The following IRX4 variants were observed in gnomAD, a reference collection of about 807,000 sequenced individuals.
IRX4 encodes the protein iroquois homeobox 4.
IRX4 carries 22 observed loss-of-function variants against 32.0 expected under a neutral mutation model. That is an observed-to-expected ratio of 0.69 (90% CI 0.49 to 0.98). The LOEUF is 0.98. IRX4 is among the 50% of genes least tolerant of loss of function. The probability of loss-of-function intolerance (pLI) is 0.00; values close to 1 mark genes in which losing one functional copy is unlikely to be tolerated. For missense variants in IRX4, 840 were observed against 744.2 expected (o/e 1.13, Z -1.50); for synonymous variants, 379 against 351.7 (o/e 1.08, Z -0.87).
chr5:1,881,971 G>A lies in IRX4; in HGVS notation c.134C>T (p.Ala45Val), dbSNP rs538375522. 4.5e-6 allele frequency: 7 copies of A among 1,555,726 alleles called. No homozygotes were observed. The highest frequency in any genetic ancestry group is 6.1e-6 in the Non-Finnish European group (7 of 1,150,268). Residue 45 changes from alanine to valine, a missense_variant, in exon 2 of 5, where the codon GCG becomes GTG. This residue lies in a region of IRX4 where 241 missense variants were observed against 220.8 expected (regional missense o/e 1.09). Transcript: ENST00000231357. ...CTCGTAGACCGGGCAGTAGACCGGC[G>A]CCTGGGCCGAGGCGGCGGGCCCGGA... ...ADSGPAASAQAPVYCPVYESR... is the reference protein window; with the variant it reads ...ADSGPAASAQVPVYCPVYESR...
In IRX4 at chr5:1,877,782, GT is replaced by G; in HGVS notation, c.*186del. The G allele has an allele frequency of 1.7e-6, 1 of 595,948 alleles. No homozygotes were observed. The highest frequency in any genetic ancestry group is 2.8e-6 in the Non-Finnish European group (1 of 356,448). The allele number at this position is 595,948 out of a possible 1,614,324, so 36.9% of individuals were successfully genotyped here. ...GCCCGGTCAGGCTCAGGCCCAGGCG[GT>G]GGAGGCCCCGGCGTGGCAGCGCCGG... On this transcript the variant is annotated 3_prime_UTR_variant, in exon 5 of 5. Coordinates refer to ENST00000231357, the MANE Select transcript of IRX4 (RefSeq NM_016358.3).
chr5:1,885,220 G>C (rs1334230104), upstream of IRX4, among the ~76,000 whole-genome samples: 1 of 152,120 alleles, frequency 6.6e-6, no homozygotes, highest in Non-Finnish European at 1.5e-5. Flanking sequence ...CAGACCCGGC[G>C]GGGCTTAACT....
Position 1,877,996 on chromosome 5 carries a change from C to A in IRX4, c.1533G>T (p.Lys511Asn), listed in dbSNP as rs1234925210. 8 of 1,506,856 alleles carry A rather than the reference C, an allele frequency of 5.3e-6. No individual in the cohort carries two copies. The African/African-American group carries it at 1.1e-4, about 22-fold the overall frequency. 93.3% of individuals were successfully genotyped at this position (1,506,856 alleles called of 1,614,324 possible). A position where few individuals can be genotyped will look rare whatever the true frequency, so the allele number is the denominator to read the frequency against. The change falls in exon 5 of 5, where the codon AAG (lysine) becomes AAT (asparagine). Residue 511 changes from lysine to asparagine, a missense_variant. Transcript: ENST00000231357. Reference protein sequence around the residue: ...GAARELLALPKAGGKPFCA With the variant: ...GAARELLALPNAGGKPFCA ...AGGCGCAGAAGGGTTTGCCGCCGGC[C>A]TTGGGCAGGGCGAGCAGCTCCCTGG... is the stretch of plus-strand genomic sequence containing the variant.
chr5:1,879,737 G>C lies in IRX4; in HGVS notation c.503C>G (p.Pro168Arg). The C allele has an allele frequency of 6.2e-7, 1 of 1,614,240 alleles. No individual in the cohort carries two copies. Among genetic ancestry groups the C allele is most frequent in the Non-Finnish European group, 8.5e-7 (1 of 1,180,044 alleles). ...GATCTTCTCGCCCTTGGTGGGGTAG[G>C]GGTTCTTGCGGTGCTCCTGCAGCCA... ...KAWLQEHRKN[P>R]YPTKGEKIML... The change falls in exon 4 of 5, where the codon CCC becomes CGC. Residue 168 changes from proline to arginine, a missense_variant. Around this residue, in one of 3 missense-constraint regions of IRX4, gnomAD observed 14 missense variants for 35.4 expected, o/e 0.40. Coordinates refer to ENST00000231357, the MANE Select transcript of IRX4 (RefSeq NM_016358.3).
intron 3 of IRX4, 38 bp downstream of exon 3, chr5:1,880,687 C>A (rs997146032): frequency 6.7e-5 from 93 of 1,392,734 alleles, no homozygotes; most frequent in Non-Finnish European, 8.8e-5. Context: ...GCAGAGGGCC[C>A]GTGGGGCTAG....
upstream of IRX4, chr5:1,886,951 A>AGCCGCC (rs1425244210): frequency 6.6e-6 from 1 of 150,930 alleles, no homozygotes; most frequent in East Asian, 2.0e-4. Flanking sequence ...GAGTCGCCGC[A>AGCCGCC]GCCGCCGCCG....
chr5:1,880,279 T>C (rs1735381805), intron 3 of IRX4: 3 of 699,530 alleles, frequency 4.3e-6, no homozygotes, highest in South Asian at 2.0e-5. Context: ...AAATTTGTAG[T>C]GGTTGCATTG....
upstream of IRX4, among the ~76,000 whole-genome samples, chr5:1,883,041 A>G (rs1346996875): frequency 6.6e-6 from 1 of 151,418 alleles, no homozygotes; most frequent in Non-Finnish European, 1.5e-5. Context: ...CTGGCCGCAG[A>G]CTCGCCGGTC....
At position 1,878,318 on chromosome 5, in the gene IRX4, G is replaced by A. The variant is rs200024045; in HGVS notation, c.1211C>T (p.Ala404Val). The change falls in exon 5 of 5, where the codon GCG (alanine) becomes GTG (valine). Residue 404 changes from alanine to valine, a missense_variant. By Grantham distance (64) the Ala-to-Val change is moderately conservative. Around this residue, in one of 3 missense-constraint regions of IRX4, gnomAD observed 585 missense variants for 488.0 expected, o/e 1.20. Transcript: ENST00000231357. ...MLKRQGPAAP[A>V]AVSSAPATSP... ...CGTGGCGGGCGCGGAGGACACAGCC[G>A]CAGGGGCCGCGGGACCTTGGCGCTT... The A allele has an allele frequency of 2.9e-4, 455 of 1,564,238 alleles. 1 individual carries two copies. The African/African-American group carries it at 5.3e-3, about 18-fold the overall frequency.
intron 2 of IRX4, among the ~76,000 whole-genome samples, 178 bp downstream of exon 2, chr5:1,881,630 G>T (rs1419069127): frequency 6.6e-6 from 1 of 151,906 alleles, no homozygotes; most frequent in Non-Finnish European, 1.5e-5. Context: ...CTGTCCCAGG[G>T]GGTGGGGGTG....
Position 1,878,374 on chromosome 5 carries a change from C to T in IRX4, c.1155G>A (p.Leu385=), listed in dbSNP as rs748356860. 9.8e-6 allele frequency: 15 copies of T among 1,534,890 alleles called. No individual in the cohort carries two copies. The East Asian group carries it at 3.2e-4, about 33-fold the overall frequency. ...TGCACGACGGAAACTCAGTCTGGCT[C>T]AGGGAGGTGGCGGCGGCGGCGGCGG... ...ATAAAAAATS[L]SQTEFPSCML... Residue 385 remains leucine (L), a synonymous_variant, in exon 5 of 5, where the codon CTG becomes CTA. Transcript: ENST00000231357.
At position 1,879,630 on chromosome 5, in the gene IRX4, T is replaced by A. The variant is rs1315409783; in HGVS notation, c.610A>T (p.Asn204Tyr). Residue 204 changes from asparagine (N) to tyrosine (Y), a missense_variant, in exon 4 of 5, where the codon AAC becomes TAC. Asn to Tyr is a moderately radical substitution (Grantham distance 143). Around this residue, in one of 3 missense-constraint regions of IRX4, gnomAD observed 585 missense variants for 488.0 expected, o/e 1.20. Transcript: ENST00000231357. ...TTCCGCGGCGGCCACGTCATCTTGTTCTCCTTCTTGAGGCGCCGGCGCGCG... is the reference window on the plus strand; with the variant it reads ...TTCCGCGGCGGCCACGTCATCTTGTACTCCTTCTTGAGGCGCCGGCGCGCG... ...ANARRRLKKE[N>Y]KMTWPPRNKC... 2.5e-6 allele frequency: 4 copies of A among 1,613,950 alleles called. No individual in the cohort carries two copies. Among genetic ancestry groups the A allele is most frequent in the Non-Finnish European group, 3.4e-6 (4 of 1,180,032 alleles).
rs1254987532 is a variant in IRX4 at position 1,878,018 on chromosome 5, C to A, written c.1511G>T (p.Arg504Met). The change falls in exon 5 of 5, where the codon AGG becomes ATG. Residue 504 changes from arginine (R) to methionine (M), a missense_variant. Around this residue, in one of 3 missense-constraint regions of IRX4, gnomAD observed 585 missense variants for 488.0 expected, o/e 1.20. Coordinates refer to ENST00000231357, the MANE Select transcript of IRX4 (RefSeq NM_016358.3). ...GGCCTTGGGCAGGGCGAGCAGCTCC[C>A]TGGCGGCGCCTGCAGCTGGGGCGTC... ...PQDAPAAGAA[R>M]ELLALPKAGG... is the part of the protein sequence containing the mutation. 6.6e-7 allele frequency: 1 copy of A among 1,507,758 alleles called. No homozygotes were observed. Among genetic ancestry groups the A allele is most frequent in the Admixed American group, 2.1e-5 (1 of 48,284 alleles). The allele number at this position is 1,507,758 out of a possible 1,614,324, so 93.4% of individuals were successfully genotyped here. A position where few individuals can be genotyped will look rare whatever the true frequency, so the allele number is the denominator to read the frequency against.
At chr5:1,878,817 T>A (rs1208512182) in intron 4 of IRX4, 25 bp from the exon 5 acceptor site, 1 of 1,610,302 alleles carries the variant, frequency 6.2e-7, no homozygotes, top group Non-Finnish European at 8.5e-7. Flanking sequence ...GCGTGGCCAG[T>A]GGAGGGAGAG....
chr5:1,879,081 T>C (rs1238418852), intron 4 of IRX4, among the ~76,000 whole-genome samples: 2 of 151,468 alleles, frequency 1.3e-5, no homozygotes, highest in Admixed American at 6.6e-5. Flanking sequence ...AAACTCCGCC[T>C]CCAGGGTTCA....
chr5:1,882,801 T>A lies in IRX4; in HGVS notation c.-154A>T, dbSNP rs558999818. 1.6e-4 allele frequency: 68 copies of A among 430,704 alleles called. No homozygotes were observed. The East Asian group carries it at 2.4e-3, about 15-fold the overall frequency. 26.7% of individuals were successfully genotyped at this position (430,704 alleles called of 1,614,324 possible). A position where few individuals can be genotyped will look rare whatever the true frequency, so the allele number is the denominator to read the frequency against. On this transcript the variant is annotated 5_prime_UTR_variant, in exon 1 of 5. An upstream open reading frame in the 5' UTR gains an earlier in-frame stop. Coordinates refer to ENST00000231357, the MANE Select transcript of IRX4 (RefSeq NM_016358.3). ...AGTCCATCCCCGCGCTCCGCAAACT[T>A]TTCTAACCGGGTAACAAAGTGAGCA...
In IRX4 at chr5:1,878,459, C is replaced by G. The variant is rs1735292021; in HGVS notation, c.1070G>C (p.Gly357Ala). The change falls in exon 5 of 5, where the codon GGG becomes GCG. Residue 357 changes from glycine to alanine, a missense_variant. Transcript: ENST00000231357. ...CTTAGCCTCCAGGCCTGCCGACGCC[C>G]CCGCCGGCACAAACCCCAGCTTGGC... ...CEAKLGFVPA[G>A]ASAGLEAKPR... 1.4e-6 allele frequency: 2 copies of G among 1,454,390 alleles called. No individual in the cohort carries two copies. The highest frequency in any genetic ancestry group is 1.8e-6 in the Non-Finnish European group (2 of 1,109,362). 90.1% of individuals were successfully genotyped at this position (1,454,390 alleles called of 1,614,324 possible).
At chr5:1,883,243 T>C (rs1202827135), upstream of IRX4, among the ~76,000 whole-genome samples, 2 of 152,242 alleles carry the variant, frequency 1.3e-5, no homozygotes, top group Non-Finnish European at 2.9e-5. Context: ...CAGCTGCTCC[T>C]TCCCGCCCCA....
In IRX4 at chr5:1,882,830, G is replaced by A. The variant is rs1407563556; in HGVS notation, c.-183C>T. 4.9e-6 allele frequency: 2 copies of A among 406,064 alleles called. No homozygotes were observed. The highest frequency in any genetic ancestry group is 8.8e-6 in the Non-Finnish European group (2 of 226,980). The allele number at this position is 406,064 out of a possible 1,614,324, so 25.2% of individuals were successfully genotyped here. The stretch of plus-strand genomic sequence containing the variant: ...TAACCGGGTAACAAAGTGAGCAGCG[G>A]TGGCCGCCGCGATTCCTTTAACTTC... On this transcript the variant is annotated 5_prime_UTR_variant, in exon 1 of 5. Transcript: ENST00000231357.
Sources: gnomAD v4.1 joint callset for allele counts (sites outside exome capture counted in the v4.1 genomes callset) on GRCh38, gnomAD v4.1.1 for gene constraint, gnomAD v4.1.1 regional missense constraint, MANE v1.5 for transcripts, NCBI Gene and HGNC (gene_info 2026-07-23, HGNC 2026-07-21) for gene names.